The following SASH1 variants were observed in gnomAD, a reference collection of about 807,000 sequenced individuals.
SASH1 encodes SAM and SH3 domain containing 1, also known as SAM and SH3 domain-containing protein 1.
Under a neutral mutation model 125.2 loss-of-function variants are expected in SASH1, and 44 were observed. The ratio of observed to expected loss-of-function variants is 0.35; its 90% CI spans 0.28 to 0.45. The LOEUF (loss-of-function observed/expected upper bound fraction) is 0.45. SASH1 is among the 20% of genes least tolerant of loss of function. The probability of loss-of-function intolerance (pLI) is 1.00; values close to 1 mark genes in which losing one functional copy is unlikely to be tolerated. For synonymous variants in SASH1, 639 were observed against 649.1 expected, an observed-to-expected ratio of 0.98 and a Z score of 0.24; for missense variants, 1,426 against 1,614.5, an observed-to-expected ratio of 0.88 and a Z score of 2.00.
At chr6:148,397,453 G>T (rs1224003499) in intron 2 of SASH1, among the ~76,000 whole-genome samples, 1 of 152,144 alleles carries the variant, frequency 6.6e-6, no homozygotes, top group African/African-American at 2.4e-5. Flanking sequence ...CTATTGCACT[G>T]CAGCCTGGGT....
At chr6:148,492,952 C>A (rs1211707225) in intron 8 of SASH1, among the ~76,000 whole-genome samples, 4 of 152,198 alleles carry the variant, frequency 2.6e-5, no homozygotes, top group African/African-American at 9.7e-5. Flanking sequence ...CAAACTATTT[C>A]TTCATAGATG....
intron 1 of SASH1, among the ~76,000 whole-genome samples, chr6:148,306,340 G>A (rs1780129862): frequency 6.6e-6 from 1 of 152,154 alleles, no homozygotes; most frequent in African/African-American, 2.4e-5. Flanking sequence ...TAGATCTGAG[G>A]GGAAGATGGA....
At chr6:148,376,922 G>A (rs1782920497) in intron 1 of SASH1, among the ~76,000 whole-genome samples, 1 of 151,806 alleles carries the variant, frequency 6.6e-6, no homozygotes, top group Non-Finnish European at 1.5e-5. Flanking sequence ...TGTAATCCCA[G>A]CACTTTGGGA....
intron 1 of SASH1, among the ~76,000 whole-genome samples, chr6:148,309,622 A>G (rs1780246118): frequency 6.6e-6 from 1 of 150,906 alleles, no homozygotes; most frequent in Non-Finnish European, 1.5e-5. Context: ...TATTGTCCCC[A>G]TATCCTTGGT....
chr6:148,508,697 AC>A, intron 8 of SASH1: 1 of 1,189,956 alleles, frequency 8.4e-7, no homozygotes, highest in South Asian at 1.6e-5. Context: ...CTGAGCTGTG[AC>A]GGTGGAGCCT....
chr6:148,201,981 T>C, the SASH1 span, among the ~76,000 whole-genome samples: 390 of 152,180 alleles, frequency 2.6e-3, no homozygotes, highest in African/African-American at 9.1e-3. Flanking sequence ...ATTGAAGGTG[T>C]ATATCCACCA....
chr6:148,246,442 A>C, the SASH1 span, among the ~76,000 whole-genome samples: 1 of 152,342 alleles, frequency 6.6e-6, no homozygotes, highest in Non-Finnish European at 1.5e-5. Flanking sequence ...TAGTGACAGC[A>C]TCAATACCAT....
intron 2 of SASH1, among the ~76,000 whole-genome samples, chr6:148,399,160 C>CT (rs1352820759): frequency 6.7e-6 from 1 of 149,684 alleles, no homozygotes; most frequent in Non-Finnish European, 1.5e-5. Context: ...GCATGACAGT[C>CT]TAAGAGTAGA....
At chr6:148,282,912 C>A (rs928392442) in intron 1 of SASH1, among the ~76,000 whole-genome samples, 1 of 152,148 alleles carries the variant, frequency 6.6e-6, no homozygotes, top group Non-Finnish European at 1.5e-5. Context: ...GCTGCAGCCA[C>A]TGGTTCTAAG....
the SASH1 span, among the ~76,000 whole-genome samples, chr6:148,243,342 C>T: frequency 6.6e-6 from 1 of 151,836 alleles, no homozygotes; most frequent in Admixed American, 6.6e-5. Flanking sequence ...CCCAGCTACT[C>T]GGGAGGCTGA....
intron 1 of SASH1, among the ~76,000 whole-genome samples, chr6:148,298,468 A>G (rs1451110292): frequency 6.6e-6 from 1 of 152,074 alleles, no homozygotes; most frequent in East Asian, 1.9e-4. Context: ...TATCTCTACA[A>G]AAGAATGTTT....
chr6:148,255,945 G>A, the SASH1 span, among the ~76,000 whole-genome samples: 3 of 152,116 alleles, frequency 2.0e-5, no homozygotes, highest in African/African-American at 7.2e-5. Flanking sequence ...CTTGGCCAAA[G>A]CTTTTCAAGT....
intron 2 of SASH1, among the ~76,000 whole-genome samples, chr6:148,414,834 T>C (rs1784760151): frequency 6.6e-6 from 1 of 152,022 alleles, no homozygotes; most frequent in African/African-American, 2.4e-5. Flanking sequence ...CCGGGCTAAT[T>C]TTTTGTAGTT....
chr6:148,244,957 TGTGAGAGAGA>T, the SASH1 span, among the ~76,000 whole-genome samples: 3 of 135,662 alleles, frequency 2.2e-5, no homozygotes, highest in African/African-American at 5.3e-5. Context: ...TGTGTGTGTG[TGTGAGAGAGA>T]GAGAGAGAGA....
intron 1 of SASH1, among the ~76,000 whole-genome samples, chr6:148,300,339 C>T (rs565806211): frequency 1.0e-3 from 152 of 152,190 alleles, no homozygotes; most frequent in South Asian, 5.2e-3. Context: ...CTTTCCCCTC[C>T]GTAATATTCT....
the SASH1 span, among the ~76,000 whole-genome samples, chr6:148,267,142 A>T: frequency 2.6e-5 from 4 of 152,208 alleles, no homozygotes; most frequent in Non-Finnish European, 5.9e-5. Flanking sequence ...AAGGATTCAA[A>T]TAAGACACAC....
At chr6:148,264,931 C>A in the SASH1 span, among the ~76,000 whole-genome samples, 1 of 152,342 alleles carries the variant, frequency 6.6e-6, no homozygotes, top group Middle Eastern at 3.4e-3. Context: ...AAAGTAGGGG[C>A]CTTGGCCATT....
At chr6:148,513,021 T>G in intron 8 of SASH1, 1 of 985,396 alleles carries the variant, frequency 1.0e-6, no homozygotes, top group Non-Finnish European at 1.2e-6. Flanking sequence ...GTTCGTGCCA[T>G]AGTGCAAAGA....
chr6:148,255,760 A>G, the SASH1 span, among the ~76,000 whole-genome samples: 5,732 of 152,052 alleles, frequency 0.038, 241 homozygotes, highest in Admixed American at 0.097. Context: ...CTCCCACCTC[A>G]GCCTCCTGAG....
Sources: allele counts gnomAD v4.1 joint callset (sites outside exome capture counted in the v4.1 genomes callset), GRCh38; gene constraint gnomAD v4.1.1; transcripts MANE v1.5; gene names NCBI Gene and HGNC (gene_info 2026-07-23, HGNC 2026-07-21).